The following EEA1 variants were observed in gnomAD, a reference collection of about 807,000 sequenced individuals.
EEA1 encodes early endosome antigen 1, also known as early endosome antigen 1, 162kD.
Under a neutral mutation model 209.2 loss-of-function variants are expected in EEA1, and 111 were observed. The observed-to-expected ratio is 0.53, with a 90% CI of 0.45 to 0.62. The LOEUF is 0.62. EEA1 is among the 20% of genes least tolerant of loss of function. The probability of loss-of-function intolerance (pLI) is 0.00; values close to 1 mark genes in which losing one functional copy is unlikely to be tolerated. For missense variants in EEA1, 1,343 were observed against 1,530.8 expected, an observed-to-expected ratio of 0.88 and a Z score of 2.05; for synonymous variants, 536 against 540.6, an observed-to-expected ratio of 0.99 and a Z score of 0.12.
chr12:92,891,141 A>T (rs955412818), intron 2 of EEA1, among the ~76,000 whole-genome samples: 2 of 151,886 alleles, frequency 1.3e-5, no homozygotes, highest in Non-Finnish European at 2.9e-5. Flanking sequence ...AATTTTTGGA[A>T]TTTTTTTACT....
intron 11 of EEA1, among the ~76,000 whole-genome samples, chr12:92,831,251 C>T (rs1876615179): frequency 6.6e-6 from 1 of 151,844 alleles, no homozygotes; most frequent in Admixed American, 6.6e-5. Flanking sequence ...GAATATCCCC[C>T]AATTTCCATT....
At chr12:92,821,677 A>G (rs1248359514) in intron 13 of EEA1, among the ~76,000 whole-genome samples, 2 of 152,054 alleles carry the variant, frequency 1.3e-5, no homozygotes, top group Non-Finnish European at 2.9e-5. Flanking sequence ...ATAACGACTT[A>G]AAAGATTCCA....
chr12:92,812,777 T>G (rs546034966), intron 16 of EEA1, among the ~76,000 whole-genome samples: 1 of 152,284 alleles, frequency 6.6e-6, no homozygotes, highest in Admixed American at 6.5e-5. Flanking sequence ...TAGTAGAAAT[T>G]TATCAAAAAC....
chr12:92,809,917 CCTT>C (rs956670054), intron 17 of EEA1, among the ~76,000 whole-genome samples: 10 of 152,290 alleles, frequency 6.6e-5, no homozygotes, highest in African/African-American at 1.9e-4. Flanking sequence ...CTCACGTACT[CCTT>C]CTCATTAACA....
intron 14 of EEA1, among the ~76,000 whole-genome samples, chr12:92,816,939 C>CT (rs1034568157): frequency 6.6e-6 from 1 of 151,070 alleles, no homozygotes; most frequent in African/African-American, 2.5e-5. Flanking sequence ...GAAAAGCATA[C>CT]TTTTTTTTAA....
At chr12:92,826,317 T>G (rs1168409398) in intron 12 of EEA1, 32 bp from the exon 13 acceptor site, 10 of 1,589,702 alleles carry the variant, frequency 6.3e-6, no homozygotes, top group Non-Finnish European at 7.8e-6. Context: ...AATTGAGAAC[T>G]TAAAGGCATA....
At chr12:92,778,272 G>A (rs1873749066) in intron 25 of EEA1, 93 bp from the exon 26 acceptor site, 1 of 956,610 alleles carries the variant, frequency 1.0e-6, no homozygotes, top group African/African-American at 1.7e-5. Flanking sequence ...CTGGCAATTT[G>A]CTTCTTCGGG....
chr12:92,889,563 C>T (rs575655859), intron 2 of EEA1, among the ~76,000 whole-genome samples: 1 of 146,186 alleles, frequency 6.8e-6, no homozygotes, highest in Non-Finnish European at 1.5e-5. Flanking sequence ...CAAAAAAAAA[C>T]CCCCACCTAA....
At chr12:92,871,959 C>G (rs1032091991) in intron 2 of EEA1, among the ~76,000 whole-genome samples, 11 of 152,168 alleles carry the variant, frequency 7.2e-5, no homozygotes, top group African/African-American at 2.7e-4. Flanking sequence ...CAGCTCACTG[C>G]CATCTCCGCC....
intron 21 of EEA1, among the ~76,000 whole-genome samples, chr12:92,790,211 A>G (rs1592703202): frequency 6.6e-6 from 1 of 152,230 alleles, no homozygotes; most frequent in African/African-American, 2.4e-5. Flanking sequence ...TCTAAAAATC[A>G]GAGCACCTCT....
chr12:92,828,895 C>T (rs1480304419), intron 11 of EEA1, among the ~76,000 whole-genome samples: 6 of 152,112 alleles, frequency 3.9e-5, no homozygotes, highest in African/African-American at 1.4e-4. Context: ...CTCTCTCTAA[C>T]ACAAAGATTT....
At position 92,859,135 on chromosome 12, in the gene EEA1, A is replaced by C. The variant is rs1165286255; in HGVS notation, c.246-1650T>G. On this transcript the variant is annotated intron_variant, in intron 3 of 28. Transcript: ENST00000322349. ...TGAGAGGGAGCTACTAGAGATTATA[A>C]AGAAGAATTTTGATCTCCACCCTAG... 4.5e-6 allele frequency: 6 copies of C among 1,345,872 alleles called. No individual in the cohort carries two copies. The African/African-American group carries it at 8.6e-5, about 19-fold the overall frequency. 83.4% of individuals were successfully genotyped at this position (1,345,872 alleles called of 1,614,324 possible).
intron 18 of EEA1, among the ~76,000 whole-genome samples, chr12:92,804,489 T>C (rs1361728720): frequency 6.6e-6 from 1 of 150,574 alleles, no homozygotes; most frequent in Non-Finnish European, 1.5e-5. Flanking sequence ...GGAGAATCGC[T>C]TGAACCCAGG....
At chr12:92,884,097 T>C in intron 2 of EEA1, 1 of 1,218,366 alleles carries the variant, frequency 8.2e-7, no homozygotes, top group Non-Finnish European at 1.2e-6. Flanking sequence ...AAAAGATATT[T>C]GTTGGTGGCA....
At chr12:92,915,741 T>C (rs1880741436) in intron 1 of EEA1, among the ~76,000 whole-genome samples, 1 of 152,242 alleles carries the variant, frequency 6.6e-6, no homozygotes, top group African/African-American at 2.4e-5. Flanking sequence ...TCTTCATTGA[T>C]AAACTCTAAG....
intron 21 of EEA1, among the ~76,000 whole-genome samples, chr12:92,789,966 T>A (rs1232558842): frequency 2.0e-5 from 3 of 152,216 alleles, no homozygotes; most frequent in African/African-American, 7.2e-5. Flanking sequence ...CAATATTCAC[T>A]GTTCTGCAGC....
At chr12:92,851,384 A>T in intron 8 of EEA1, 118 bp from the exon 9 acceptor site, 1 of 1,029,492 alleles carries the variant, frequency 9.7e-7, no homozygotes. Flanking sequence ...ATCAATTTTT[A>T]GACTTCAAAC....
chr12:92,847,218 G>A (rs917630225), intron 9 of EEA1, among the ~76,000 whole-genome samples: 12 of 152,122 alleles, frequency 7.9e-5, no homozygotes, highest in Admixed American at 2.6e-4. Flanking sequence ...GCCTCCCAAC[G>A]TGCTGGGATT....
intron 1 of EEA1, among the ~76,000 whole-genome samples, chr12:92,908,473 T>G (rs1472521296): frequency 6.6e-6 from 1 of 152,204 alleles, no homozygotes; most frequent in Non-Finnish European, 1.5e-5. Context: ...TTGTCATAAT[T>G]TAAAAAAAAT....
Sources: gnomAD v4.1 joint callset for allele counts (sites outside exome capture counted in the v4.1 genomes callset) on GRCh38, gnomAD v4.1.1 for gene constraint, MANE v1.5 for transcripts, NCBI Gene and HGNC (gene_info 2026-07-23, HGNC 2026-07-21) for gene names.